The following KCNH7 variants were observed in gnomAD, a reference collection of about 807,000 sequenced individuals.
KCNH7 encodes potassium voltage-gated channel subfamily H member 7.
Under a neutral mutation model 120.8 loss-of-function variants are expected in KCNH7, and 49 were observed. The observed-to-expected ratio is 0.41, with a 90% CI of 0.32 to 0.51. KCNH7 has a LOEUF of 0.51. Ranked by LOEUF, KCNH7 falls within the 20% of genes least tolerant of loss-of-function variation. The pLI, the probability that KCNH7 is intolerant of heterozygous loss-of-function variation, is 0.38. For synonymous variants in KCNH7, 547 were observed against 516.1 expected (o/e 1.06, Z -0.81); for missense variants, 1,097 against 1,446.6 (o/e 0.76, Z 3.92).
intron 2 of KCNH7, among the ~76,000 whole-genome samples, chr2:162,611,243 A>G (rs1682953467): frequency 6.6e-6 from 1 of 152,322 alleles, no homozygotes; most frequent in African/African-American, 2.4e-5. Context: ...AGTATTCCCT[A>G]GCCAAAGTCA....
At chr2:162,590,820 C>T (rs555412768) in intron 2 of KCNH7, among the ~76,000 whole-genome samples, 11 of 152,196 alleles carry the variant, frequency 7.2e-5, no homozygotes, top group African/African-American at 1.7e-4. Flanking sequence ...CCTATTTCCA[C>T]GCACATCTGT....
Position 162,398,576 on chromosome 2 carries a change from C to A in KCNH7, c.2407+1613G>T, listed in dbSNP as rs182022895. On this transcript the variant is annotated intron_variant, in intron 10 of 15. Coordinates refer to ENST00000332142, the MANE Select transcript of KCNH7 (RefSeq NM_033272.4). ...TAGATATTATTGTTTTTAAAAAAGA[C>A]CTGAATTAAATTAAGCATGGGCTTT... Among the ~76,000 whole-genome samples the A allele has an allele frequency of 4.1e-3, 625 of 151,884 alleles. 6 individuals carry two copies. The highest frequency in any genetic ancestry group is 0.037 in the South Asian group (176 of 4,820).
chr2:162,758,796 A>C (rs1350230115), intron 2 of KCNH7, among the ~76,000 whole-genome samples: 1 of 152,130 alleles, frequency 6.6e-6, no homozygotes, highest in East Asian at 1.9e-4. Context: ...GTTTCAATAA[A>C]AATTAAAAGC....
chr2:162,497,829 T>A lies in KCNH7; in HGVS notation c.1128+6614A>T, dbSNP rs548790634. ...CATTTACCACTGAGCCTGGCACATA[T>A]TAAATGCTCAATCAATGTCAGAAAT... On this transcript the variant is annotated intron_variant, in intron 6 of 15. Coordinates refer to ENST00000332142, the MANE Select transcript of KCNH7 (RefSeq NM_033272.4). Among the ~76,000 whole-genome samples, 24 of 151,790 alleles carry A rather than the reference T, an allele frequency of 1.6e-4. No individual in the cohort carries two copies. In the South Asian group the frequency reaches 4.4e-3, roughly 28 times the overall value.
chr2:162,740,527 A>G (rs555184359), intron 2 of KCNH7, among the ~76,000 whole-genome samples: 2 of 152,346 alleles, frequency 1.3e-5, no homozygotes, highest in South Asian at 4.1e-4. Flanking sequence ...GGCAAGATTC[A>G]GGAGTACATC....
chr2:162,380,864 G>A (rs1686394460), intron 13 of KCNH7, among the ~76,000 whole-genome samples: 1 of 152,082 alleles, frequency 6.6e-6, no homozygotes, highest in African/African-American at 2.4e-5. Flanking sequence ...GCAGGGTTGT[G>A]ATCCCTTTTC....
chr2:162,423,194 C>T (rs1009430961), intron 9 of KCNH7, 142 bp downstream of exon 9: 1 of 1,526,354 alleles, frequency 6.6e-7, no homozygotes, highest in Non-Finnish European at 8.9e-7. Flanking sequence ...GAATGAGAGA[C>T]TATCTCCAGG....
intron 9 of KCNH7, among the ~76,000 whole-genome samples, chr2:162,410,817 G>T (rs1261741326): frequency 6.6e-6 from 1 of 151,780 alleles, no homozygotes; most frequent in Admixed American, 6.6e-5. Flanking sequence ...TCAAAAAAAG[G>T]CATACCAGTG....
chr2:162,682,680 T>C (rs935596665), intron 2 of KCNH7, among the ~76,000 whole-genome samples: 1 of 151,888 alleles, frequency 6.6e-6, no homozygotes, highest in African/African-American at 2.4e-5. Flanking sequence ...ACTTTCTTTA[T>C]GCTTTCTGTA....
intron 6 of KCNH7, among the ~76,000 whole-genome samples, chr2:162,470,813 G>T (rs191886563): frequency 2.3e-3 from 348 of 152,360 alleles, no homozygotes; most frequent in African/African-American, 8.2e-3. Flanking sequence ...GAGGGGGAAA[G>T]GTGGGGAAAA....
At chr2:162,391,349 C>G (rs756781412) in intron 12 of KCNH7, among the ~76,000 whole-genome samples, 4 of 152,018 alleles carry the variant, frequency 2.6e-5, no homozygotes, top group African/African-American at 9.7e-5. Context: ...TGAATGCTCA[C>G]CTTAAGAGAA....
intron 4 of KCNH7, among the ~76,000 whole-genome samples, chr2:162,514,955 T>C (rs1404274587): frequency 6.6e-6 from 1 of 151,808 alleles, no homozygotes; most frequent in Non-Finnish European, 1.5e-5. Flanking sequence ...TTGTGCATGA[T>C]TTCACCTGTT....
At chr2:162,546,418 C>A (rs1225469692) in intron 2 of KCNH7, among the ~76,000 whole-genome samples, 2 of 152,142 alleles carry the variant, frequency 1.3e-5, no homozygotes, top group Admixed American at 1.3e-4. Context: ...CAGGCCCACC[C>A]ACTAAACTGC....
chr2:162,752,914 A>AAAAGAAAAGAAAAGG lies in KCNH7; in HGVS notation c.307+83622_307+83623insCCTTTTCTTTTCTTT, dbSNP rs1574342852. On this transcript the variant is annotated intron_variant, in intron 2 of 15. Coordinates refer to ENST00000332142, the MANE Select transcript of KCNH7 (RefSeq NM_033272.4). ...AGACTACATCTCAGAAAAAGAAAAG[A>AAAAGAAAAGAAAAGG]AAAGAAAAGAAAAGAAAAGAAAAGA... 9.6e-5 allele frequency among the ~76,000 whole-genome samples: 5 copies of AAAAGAAAAGAAAAGG among 51,946 alleles called. No homozygotes were observed. In the East Asian group the frequency reaches 2.4e-3, roughly 25 times the overall value. The allele number at this position is 51,946 out of a possible 152,430, so 34.1% of individuals were successfully genotyped here.
At chr2:162,423,900 AT>A (rs1288084719) in intron 8 of KCNH7, among the ~76,000 whole-genome samples, 2 of 152,206 alleles carry the variant, frequency 1.3e-5, no homozygotes, top group East Asian at 3.8e-4. Flanking sequence ...TGAAAAAAAT[AT>A]GAGGCAAAAG....
intron 2 of KCNH7, among the ~76,000 whole-genome samples, chr2:162,594,802 T>C (rs1161496745): frequency 6.6e-6 from 1 of 152,022 alleles, no homozygotes; most frequent in Non-Finnish European, 1.5e-5. Flanking sequence ...TATATGCAGA[T>C]GTTACACCAT....
At chr2:162,401,857 CTG>C (rs1558927243) in intron 9 of KCNH7, among the ~76,000 whole-genome samples, 1 of 151,866 alleles carries the variant, frequency 6.6e-6, no homozygotes, top group Admixed American at 6.6e-5. Context: ...CTTCACCAAT[CTG>C]TGTTTCTCTA....
At chr2:162,536,461 G>T (rs1016125526) in intron 3 of KCNH7, among the ~76,000 whole-genome samples, 2 of 151,910 alleles carry the variant, frequency 1.3e-5, no homozygotes, top group African/African-American at 2.4e-5. Context: ...TTGGGGAAAA[G>T]GGCTAATTCA....
intron 6 of KCNH7, among the ~76,000 whole-genome samples, chr2:162,472,174 A>G (rs1209115262): frequency 1.3e-5 from 2 of 152,232 alleles, no homozygotes; most frequent in Non-Finnish European, 2.9e-5. Flanking sequence ...GGACATACGC[A>G]TGGGCAAGGA....
Sources: allele counts gnomAD v4.1 joint callset (sites outside exome capture counted in the v4.1 genomes callset), GRCh38; gene constraint gnomAD v4.1.1; transcripts MANE v1.5; gene names NCBI Gene and HGNC (gene_info 2026-07-23, HGNC 2026-07-21).